FBXO34: variants seen among roughly 807,000 people sequenced by gnomAD.
FBXO34 encodes F-box only protein 34.
Under a neutral mutation model 24.5 loss-of-function variants are expected in FBXO34, and 12 were observed. That is an observed-to-expected ratio of 0.49 (90% CI 0.31 to 0.79). FBXO34 has a LOEUF of 0.79. FBXO34 is among the 30% of genes least tolerant of loss of function. The pLI, the probability that FBXO34 is intolerant of heterozygous loss-of-function variation, is 0.04. For synonymous variants in FBXO34, 320 were observed against 311.9 expected (o/e 1.03, Z -0.27); for missense variants, 823 against 857.7 (o/e 0.96, Z 0.51).
intron 1 of FBXO34, among the ~76,000 whole-genome samples, chr14:55,332,711 CTTTTAG>C (rs1205909611): frequency 1.3e-5 from 2 of 152,120 alleles, no homozygotes; most frequent in African/African-American, 4.8e-5. Context: ...ATGTTTTGAA[CTTTTAG>C]TTTATCAGAA....
intron 1 of FBXO34, among the ~76,000 whole-genome samples, chr14:55,299,936 G>C (rs1348679643): frequency 2.6e-5 from 4 of 152,178 alleles, no homozygotes; most frequent in African/African-American, 9.7e-5. Flanking sequence ...TGGTTGAACT[G>C]TTCCCCTCCA....
chr14:55,316,974 G>GT (rs1398456278), intron 1 of FBXO34, among the ~76,000 whole-genome samples: 1 of 152,208 alleles, frequency 6.6e-6, no homozygotes, highest in East Asian at 1.9e-4. Context: ...GAATATGCAA[G>GT]TACGGCTTAT....
chr14:55,324,093 C>T (rs963941058), intron 1 of FBXO34, among the ~76,000 whole-genome samples: 31 of 152,184 alleles, frequency 2.0e-4, no homozygotes, highest in African/African-American at 7.5e-4. Context: ...TGCATTCCCT[C>T]CTCCCCCCCA....
the FBXO34 span, chr14:55,411,644 T>C: frequency 8.1e-6 from 13 of 1,613,242 alleles, no homozygotes; most frequent in African/African-American, 1.6e-4. Flanking sequence ...ATCGCCGCTC[T>C]GAACGCATTT....
At chr14:55,345,721 G>A (rs1566565231) in intron 1 of FBXO34, among the ~76,000 whole-genome samples, 1 of 152,208 alleles carries the variant, frequency 6.6e-6, no homozygotes, top group Non-Finnish European at 1.5e-5. Context: ...AACAGGTAGG[G>A]CTGGGTGTGG....
At chr14:55,439,369 G>A in the FBXO34 span, among the ~76,000 whole-genome samples, 2 of 151,968 alleles carry the variant, frequency 1.3e-5, no homozygotes. Flanking sequence ...CTTCTAGAGG[G>A]AGGCCTAGTA....
At chr14:55,400,302 T>C in the FBXO34 span, among the ~76,000 whole-genome samples, 1 of 152,216 alleles carries the variant, frequency 6.6e-6, no homozygotes, top group Non-Finnish European at 1.5e-5. Flanking sequence ...AATTTAATGA[T>C]ACATATTATA....
At chr14:55,375,490 ATTTTTTT>A in the FBXO34 span, among the ~76,000 whole-genome samples, 5 of 117,798 alleles carry the variant, frequency 4.2e-5, no homozygotes, top group Non-Finnish European at 5.0e-5. Context: ...GCCGGGCTAA[ATTTTTTT>A]TTTTTTTTTT....
chr14:55,291,321 T>C (rs898963508), intron 1 of FBXO34, among the ~76,000 whole-genome samples: 1 of 152,230 alleles, frequency 6.6e-6, no homozygotes, highest in African/African-American at 2.4e-5. Flanking sequence ...AAAATACTTC[T>C]ATGCTTACAT....
At chr14:55,372,914 A>C (rs559981020), downstream of FBXO34, among the ~76,000 whole-genome samples, 21 of 152,316 alleles carry the variant, frequency 1.4e-4, no homozygotes, top group African/African-American at 4.8e-4. Flanking sequence ...AAGTACAATG[A>C]AAAGCGACTG....
At chr14:55,272,598 G>A (rs1881193009) in intron 1 of FBXO34, among the ~76,000 whole-genome samples, 1 of 150,010 alleles carries the variant, frequency 6.7e-6, no homozygotes, top group Non-Finnish European at 1.5e-5. Flanking sequence ...CCAGGAGGAG[G>A]GAGAGTGGAT....
At chr14:55,368,729 C>T (rs941026802), downstream of FBXO34, 1 of 152,198 alleles carries the variant, frequency 6.6e-6, no homozygotes, top group Non-Finnish European at 1.5e-5. Context: ...CCAGAGGCCA[C>T]TTAACTAAGT....
chr14:55,345,204 C>T (rs1884119913), intron 1 of FBXO34, among the ~76,000 whole-genome samples: 1 of 152,150 alleles, frequency 6.6e-6, no homozygotes, highest in Non-Finnish European at 1.5e-5. Context: ...CACTGGGAGG[C>T]ATCACTCTTC....
chr14:55,361,199 C>CTAT (rs113126807), intron 3 of FBXO34, among the ~76,000 whole-genome samples: 1,699 of 152,268 alleles, frequency 0.011, 14 homozygotes, highest in Middle Eastern at 0.027. Context: ...ACTCCTTGAG[C>CTAT]TATTGGCTGC....
the FBXO34 span, chr14:55,386,138 A>G: frequency 1.3e-6 from 2 of 1,543,308 alleles, no homozygotes. Context: ...CTCTGCAAAC[A>G]GTTCCTGTGT....
intron 1 of FBXO34, among the ~76,000 whole-genome samples, chr14:55,320,872 A>G (rs1339189347): frequency 6.6e-6 from 1 of 152,254 alleles, no homozygotes; most frequent in Non-Finnish European, 1.5e-5. Flanking sequence ...GATGGCTGTT[A>G]TAAAATGGGA....
At chr14:55,330,509 T>C (rs1227045600) in intron 1 of FBXO34, among the ~76,000 whole-genome samples, 2 of 152,184 alleles carry the variant, frequency 1.3e-5, no homozygotes, top group Admixed American at 6.5e-5. Context: ...CTAAGTCATT[T>C]GTGGTGATTC....
intron 1 of FBXO34, among the ~76,000 whole-genome samples, chr14:55,324,839 G>A (rs958435620): frequency 1.3e-5 from 2 of 152,154 alleles, no homozygotes; most frequent in Non-Finnish European, 1.5e-5. Context: ...CATACACTGG[G>A]TGGTTTATAT....
chr14:55,436,938 C>A, the FBXO34 span: 2 of 1,614,092 alleles, frequency 1.2e-6, no homozygotes, highest in Non-Finnish European at 1.7e-6. Flanking sequence ...ATGCAGTATC[C>A]GGATTGGATG....
Sources: allele counts gnomAD v4.1 joint callset (sites outside exome capture counted in the v4.1 genomes callset), GRCh38; gene constraint gnomAD v4.1.1; transcripts MANE v1.5; gene names NCBI Gene and HGNC (gene_info 2026-07-23, HGNC 2026-07-21).